Variants in SCN9A observed in about 807,000 individuals in gnomAD.
SCN9A encodes the protein sodium voltage-gated channel alpha subunit 9, also known as sodium channel protein type 9 subunit alpha.
SCN9A carries 131 observed loss-of-function variants against 187.0 expected under a neutral mutation model. The ratio of observed to expected loss-of-function variants is 0.70; its 90% CI spans 0.61 to 0.81. SCN9A has a LOEUF of 0.81. Ranked by LOEUF, SCN9A falls within the 30% of genes least tolerant of loss-of-function variation. The pLI, the probability that SCN9A is intolerant of heterozygous loss-of-function variation, is 0.00. For synonymous variants in SCN9A, 809 were observed against 808.6 expected, an observed-to-expected ratio of 1.00 and a Z score of -0.01; for missense variants, 2,252 against 2,396.6, an observed-to-expected ratio of 0.94 and a Z score of 1.26.
intron 2 of SCN9A, 125 bp from the exon 3 acceptor site, chr2:166,307,199 C>T: frequency 1.7e-6 from 1 of 589,646 alleles, no homozygotes; most frequent in South Asian, 2.3e-5. Flanking sequence ...CAGACTCCAG[C>T]AATGTGGTTC....
intron 1 of SCN9A, among the ~76,000 whole-genome samples, chr2:166,375,281 A>C (rs530619739): frequency 6.6e-6 from 1 of 152,310 alleles, no homozygotes; most frequent in South Asian, 2.1e-4. Flanking sequence ...TCAGCTTTGC[A>C]GATGGGAAAT....
chr2:166,213,932 G>A (rs1439096809), intron 24 of SCN9A, among the ~76,000 whole-genome samples: 1 of 152,108 alleles, frequency 6.6e-6, no homozygotes, highest in Non-Finnish European at 1.5e-5. Context: ...ACCCCACCCT[G>A]AGCACAGTGC....
chr2:166,220,007 G>C (rs1290667970), intron 24 of SCN9A, among the ~76,000 whole-genome samples: 2 of 152,112 alleles, frequency 1.3e-5, no homozygotes, highest in Non-Finnish European at 2.9e-5. Context: ...GATGAACATA[G>C]ATGCAAATAA....
At chr2:166,252,639 C>A in intron 17 of SCN9A, among the ~76,000 whole-genome samples, 1 of 151,614 alleles carries the variant, frequency 6.6e-6, no homozygotes, top group East Asian at 1.9e-4. Context: ...AAACAAAGAT[C>A]GAAGAAAATT....
intron 17 of SCN9A, among the ~76,000 whole-genome samples, chr2:166,256,055 TAA>T (rs1696259740): frequency 6.6e-6 from 1 of 151,436 alleles, no homozygotes; most frequent in South Asian, 2.1e-4. Context: ...CTATGTGGCA[TAA>T]GAGTCCAATA....
At chr2:166,227,783 A>G (rs984519216) in intron 22 of SCN9A, 60 bp from the exon 23 acceptor site, 10 of 877,986 alleles carry the variant, frequency 1.1e-5, no homozygotes, top group Non-Finnish European at 1.9e-5. Flanking sequence ...ATAGCCATAA[A>G]CAGAGTTTTG....
At chr2:166,200,374 A>G (rs1324402366) in intron 26 of SCN9A, among the ~76,000 whole-genome samples, 1 of 152,104 alleles carries the variant, frequency 6.6e-6, no homozygotes, top group Non-Finnish European at 1.5e-5. Context: ...TAACATTACC[A>G]TTGTGACATT....
In SCN9A at chr2:166,199,659, G is replaced by A. The variant is rs200553720; in HGVS notation, c.4980C>T (p.Ile1660=). 4 of 1,614,132 alleles carry A rather than the reference G, an allele frequency of 2.5e-6. No individual in the cohort carries two copies. The highest frequency in any genetic ancestry group is 1.3e-5 in the African/African-American group (1 of 75,018). The change falls in exon 27 of 27, where the codon ATC becomes ATT. Residue 1660 remains isoleucine (I), a synonymous_variant. Transcript: ENST00000642356. ...CATAGGCAAAGTTGGACATTCCAAA[G>A]ATGGCGTAGATGAACATGACCAGGA... ...LLFLVMFIYA[I]FGMSNFAYVK... is the part of the protein sequence containing the mutation.
At chr2:166,236,453 C>T (rs1438794637) in intron 20 of SCN9A, among the ~76,000 whole-genome samples, 3 of 152,090 alleles carry the variant, frequency 2.0e-5, no homozygotes, top group Admixed American at 6.6e-5. Context: ...TGGAGTCTCA[C>T]CCTGTCGCCC....
chr2:166,259,392 A>C (rs984223499), intron 17 of SCN9A: 2 of 151,784 alleles, frequency 1.3e-5, no homozygotes, highest in Non-Finnish European at 2.9e-5. Flanking sequence ...GTAAGTAGAA[A>C]TTAGTTACAT....
chr2:166,288,842 GTAC>G, intron 9 of SCN9A, among the ~76,000 whole-genome samples, 199 bp from the exon 10 acceptor site: 1 of 152,200 alleles, frequency 6.6e-6, no homozygotes, highest in East Asian at 1.9e-4. Flanking sequence ...TAATATGCTT[GTAC>G]TAAAGTCATG....
chr2:166,334,385 A>G (rs970978137), intron 1 of SCN9A, among the ~76,000 whole-genome samples: 2 of 152,070 alleles, frequency 1.3e-5, no homozygotes, highest in Admixed American at 6.6e-5. Flanking sequence ...AAGAGGCAAC[A>G]CTGTTCATAG....
intron 19 of SCN9A, among the ~76,000 whole-genome samples, chr2:166,241,519 A>T (rs1295992057): frequency 1.3e-5 from 2 of 152,034 alleles, no homozygotes; most frequent in Non-Finnish European, 2.9e-5. Context: ...TCTTCCCACC[A>T]CACTTGCAGT....
chr2:166,206,922 C>T (rs1391695708), intron 24 of SCN9A, among the ~76,000 whole-genome samples: 1 of 152,048 alleles, frequency 6.6e-6, no homozygotes, highest in Non-Finnish European at 1.5e-5. Context: ...TTATCATACC[C>T]AAACTGAAGG....
At chr2:166,213,487 A>AATAATAAT (rs1694184669) in intron 24 of SCN9A, among the ~76,000 whole-genome samples, 1 of 147,876 alleles carries the variant, frequency 6.8e-6, no homozygotes, top group Admixed American at 6.8e-5. Flanking sequence ...TAATAATAAT[A>AATAATAAT]ATAATAATGA....
At chr2:166,372,247 G>A (rs1314999171) in intron 1 of SCN9A, among the ~76,000 whole-genome samples, 1 of 152,148 alleles carries the variant, frequency 6.6e-6, no homozygotes, top group African/African-American at 2.4e-5. Context: ...ACCTTCCTTA[G>A]AGAATGCTTC....
intron 11 of SCN9A, 81 bp downstream of exon 11, chr2:166,286,255 C>T (rs1697735175): frequency 5.9e-6 from 8 of 1,352,246 alleles, no homozygotes; most frequent in South Asian, 1.5e-5. Flanking sequence ...TATCCTCTCC[C>T]GAGTTCTCTT....
chr2:166,257,894 A>G (rs1451809264), intron 17 of SCN9A, among the ~76,000 whole-genome samples: 2 of 151,526 alleles, frequency 1.3e-5, no homozygotes, highest in Non-Finnish European at 3.0e-5. Context: ...AATCCCCACC[A>G]AATTTGAAAT....
At chr2:166,356,767 T>C (rs1700159871) in intron 1 of SCN9A, among the ~76,000 whole-genome samples, 1 of 152,162 alleles carries the variant, frequency 6.6e-6, no homozygotes, top group East Asian at 1.9e-4. Context: ...AAATCAGACT[T>C]GGAAATCTTT....
Sources: allele counts gnomAD v4.1 joint callset (sites outside exome capture counted in the v4.1 genomes callset), GRCh38; gene constraint gnomAD v4.1.1; transcripts MANE v1.5; gene names NCBI Gene and HGNC (gene_info 2026-07-23, HGNC 2026-07-21).